Variants in CSMD1 observed in about 807,000 individuals in gnomAD.
The protein encoded by CSMD1 is CUB and sushi domain-containing protein 1.
CSMD1 carries 213 observed loss-of-function variants against 417.5 expected under a neutral mutation model. That is an observed-to-expected ratio of 0.51 (90% CI 0.46 to 0.57). The LOEUF is 0.57. Among genes scored for constraint, CSMD1 ranks in the 20% least tolerant of loss-of-function variants. The probability of loss-of-function intolerance (pLI) is 0.00; values close to 1 mark genes in which losing one functional copy is unlikely to be tolerated. For missense variants in CSMD1, 6,923 were observed against 4,529.7 expected (o/e 1.53, Z -15.17); for synonymous variants, 2,862 against 1,736.8 (o/e 1.65, Z -16.11).
intron 3 of CSMD1, among the ~76,000 whole-genome samples, chr8:4,311,817 T>C (rs1348800424): frequency 6.7e-6 from 1 of 148,526 alleles, no homozygotes. Context: ...TAGTGGATGG[T>C]GGAGAGTGCG....
intron 3 of CSMD1, among the ~76,000 whole-genome samples, chr8:4,141,317 G>A (rs1216351758): frequency 1.3e-5 from 2 of 151,132 alleles, no homozygotes; most frequent in Non-Finnish European, 2.9e-5. Context: ...GGAAATTAAG[G>A]GGAAATGAAG....
chr8:3,410,937 G>C (rs1035628334), intron 12 of CSMD1, among the ~76,000 whole-genome samples: 8 of 152,084 alleles, frequency 5.3e-5, no homozygotes, highest in Non-Finnish European at 1.5e-5. Context: ...TGGAGGAGGA[G>C]GCAGTGAAGA....
intron 1 of CSMD1, among the ~76,000 whole-genome samples, chr8:4,835,573 G>T (rs947445028): frequency 2.6e-5 from 4 of 152,124 alleles, no homozygotes; most frequent in African/African-American, 7.2e-5. Flanking sequence ...AGAGATTTTG[G>T]AATTATCCTA....
chr8:4,674,162 G>C (rs1037431605), intron 1 of CSMD1, among the ~76,000 whole-genome samples: 1 of 152,116 alleles, frequency 6.6e-6, no homozygotes, highest in Non-Finnish European at 1.5e-5. Flanking sequence ...AGATGAGGTG[G>C]GAAAATCGAT....
At chr8:3,488,795 G>C (rs972524411) in intron 11 of CSMD1, among the ~76,000 whole-genome samples, 1 of 152,154 alleles carries the variant, frequency 6.6e-6, no homozygotes, top group Non-Finnish European at 1.5e-5. Context: ...ACTGTCACTG[G>C]CATTCAGGCT....
intron 3 of CSMD1, among the ~76,000 whole-genome samples, chr8:4,262,830 C>T (rs1030861162): frequency 1.3e-5 from 2 of 152,132 alleles, no homozygotes; most frequent in African/African-American, 4.8e-5. Context: ...TTTTCTAAGC[C>T]TTGGCTTTAA....
intron 3 of CSMD1, among the ~76,000 whole-genome samples, chr8:4,303,165 A>G (rs1184779044): frequency 1.3e-5 from 2 of 152,152 alleles, no homozygotes; most frequent in Non-Finnish European, 2.9e-5. Flanking sequence ...CAAACATATA[A>G]TAGGGCATGA....
At chr8:4,656,873 G>T (rs1238727116) in intron 1 of CSMD1, among the ~76,000 whole-genome samples, 1 of 151,872 alleles carries the variant, frequency 6.6e-6, no homozygotes, top group Admixed American at 6.6e-5. Flanking sequence ...AAATCAGCAG[G>T]GGCCCCCAAC....
chr8:3,981,877 G>T (rs1342396908), intron 5 of CSMD1, among the ~76,000 whole-genome samples: 1 of 152,082 alleles, frequency 6.6e-6, no homozygotes, highest in Non-Finnish European at 1.5e-5. Context: ...CTTTATCTGT[G>T]AAGTTTCCTG....
intron 1 of CSMD1, among the ~76,000 whole-genome samples, chr8:4,979,025 T>A (rs1257631994): frequency 1.3e-5 from 2 of 152,174 alleles, no homozygotes; most frequent in Non-Finnish European, 1.5e-5. Flanking sequence ...GAGCAAAATT[T>A]CCTATTATTT....
intron 1 of CSMD1, among the ~76,000 whole-genome samples, chr8:4,764,393 C>T (rs1206815901): frequency 6.6e-6 from 1 of 152,056 alleles, no homozygotes; most frequent in East Asian, 1.9e-4. Flanking sequence ...AATTTTCTGG[C>T]ATATTACTTT....
rs536419829 is a variant in CSMD1 at position 3,654,786 on chromosome 8, G to C, written c.1010-37989C>G. ...GGGGTAGGACTGGGTGCTCCCACTG[G>C]GTCTACCAGCTGCCTCAGGGCTACC... is the stretch of plus-strand genomic sequence containing the variant. On this transcript the variant is annotated intron_variant, in intron 7 of 69. Transcript: ENST00000635120. Among the ~76,000 whole-genome samples the C allele has an allele frequency of 1.2e-3, 178 of 152,210 alleles. 2 individuals carry two copies. The highest frequency in any genetic ancestry group is 3.4e-4 in the Non-Finnish European group (23 of 68,022).
intron 1 of CSMD1, among the ~76,000 whole-genome samples, chr8:4,650,669 G>A (rs1434526374): frequency 7.0e-6 from 1 of 143,698 alleles, no homozygotes; most frequent in Non-Finnish European, 1.6e-5. Flanking sequence ...AAAAAAAAAA[G>A]ATACAGCTTG....
chr8:4,711,853 C>G (rs1808321658), intron 1 of CSMD1, among the ~76,000 whole-genome samples: 1 of 152,114 alleles, frequency 6.6e-6, no homozygotes, highest in South Asian at 2.1e-4. Context: ...TAATAATGAT[C>G]TTTGTTAATA....
intron 5 of CSMD1, among the ~76,000 whole-genome samples, chr8:3,965,589 T>C (rs778185609): frequency 3.3e-5 from 5 of 152,046 alleles, no homozygotes; most frequent in Non-Finnish European, 5.9e-5. Flanking sequence ...GTGTTAATGG[T>C]TATGATTTTT....
chr8:2,981,606 A>G (rs1006839550), intron 54 of CSMD1, among the ~76,000 whole-genome samples: 1 of 152,130 alleles, frequency 6.6e-6, no homozygotes, highest in Non-Finnish European at 1.5e-5. Context: ...AGGAATGAGA[A>G]CACTGATGTC....
At chr8:3,344,391 C>T (rs1393672231) in intron 22 of CSMD1, among the ~76,000 whole-genome samples, 1 of 152,130 alleles carries the variant, frequency 6.6e-6, no homozygotes, top group South Asian at 2.1e-4. Flanking sequence ...AGCAAATCAC[C>T]ATGGCACATG....
intron 3 of CSMD1, among the ~76,000 whole-genome samples, chr8:4,288,278 T>C (rs1171329198): frequency 6.6e-6 from 1 of 152,134 alleles, no homozygotes; most frequent in African/African-American, 2.4e-5. Context: ...CTGGGAACAG[T>C]AAGCTCCCTT....
At chr8:3,825,295 C>T (rs1031006246) in intron 5 of CSMD1, among the ~76,000 whole-genome samples, 5 of 152,012 alleles carry the variant, frequency 3.3e-5, no homozygotes, top group African/African-American at 4.8e-5. Flanking sequence ...TTTGGGAGAC[C>T]GCGACAGGTG....
Sources: allele counts gnomAD v4.1 joint callset (sites outside exome capture counted in the v4.1 genomes callset), GRCh38; gene constraint gnomAD v4.1.1; transcripts MANE v1.5; gene names NCBI Gene and HGNC (gene_info 2026-07-23, HGNC 2026-07-21).